RIMS2: variants seen among roughly 807,000 people sequenced by gnomAD.
The protein encoded by RIMS2 is regulating synaptic membrane exocytosis protein 2.
RIMS2 carries 59 observed loss-of-function variants against 174.4 expected under a neutral mutation model. The observed-to-expected ratio is 0.34, with a 90% CI of 0.27 to 0.42. The LOEUF (loss-of-function observed/expected upper bound fraction) is 0.42. Among genes scored for constraint, RIMS2 ranks in the 10% least tolerant of loss-of-function variants. RIMS2 has a pLI of 1.00. For missense variants in RIMS2, 1,620 were observed against 1,666.3 expected (o/e 0.97, Z 0.48); for synonymous variants, 606 against 572.5 (o/e 1.06, Z -0.84).
At chr8:104,141,134 T>C (rs1021642614) in intron 19 of RIMS2, among the ~76,000 whole-genome samples, 2 of 152,034 alleles carry the variant, frequency 1.3e-5, no homozygotes, top group African/African-American at 4.8e-5. Flanking sequence ...AAAAAAAAGA[T>C]ACTGAAAAAT....
At chr8:103,504,142 A>C (rs1433950183) in intron 1 of RIMS2, among the ~76,000 whole-genome samples, 2 of 152,102 alleles carry the variant, frequency 1.3e-5, no homozygotes, top group Non-Finnish European at 2.9e-5. Flanking sequence ...TTTATCAGTA[A>C]AATTTATAAT....
intron 2 of RIMS2, among the ~76,000 whole-genome samples, chr8:103,698,163 T>G (rs1004547181): frequency 1.3e-5 from 2 of 152,206 alleles, no homozygotes; most frequent in Admixed American, 6.5e-5. Flanking sequence ...TTAATCCCCA[T>G]TTTTCATTAT....
chr8:103,777,021 C>T (rs1233875916), intron 3 of RIMS2, among the ~76,000 whole-genome samples: 1 of 152,058 alleles, frequency 6.6e-6, no homozygotes, highest in Non-Finnish European at 1.5e-5. Context: ...CTTTTCAACA[C>T]TAAGACATTT....
At chr8:104,133,865 A>T (rs1023586546) in intron 19 of RIMS2, among the ~76,000 whole-genome samples, 2 of 152,270 alleles carry the variant, frequency 1.3e-5, no homozygotes, top group Admixed American at 6.5e-5. Flanking sequence ...TGAAATAAGG[A>T]ACACTGAAGA....
intron 1 of RIMS2, among the ~76,000 whole-genome samples, chr8:103,589,249 C>A (rs1002380278): frequency 1.3e-5 from 2 of 151,518 alleles, no homozygotes; most frequent in Non-Finnish European, 3.0e-5. Context: ...ATCTAATAAT[C>A]CATTTAAAAA....
At chr8:104,246,680 C>T (rs767715369) in intron 20 of RIMS2, among the ~76,000 whole-genome samples, 2 of 151,976 alleles carry the variant, frequency 1.3e-5, no homozygotes, top group African/African-American at 2.4e-5. Flanking sequence ...AGGAAATATT[C>T]GAGTGAAGAT....
intron 1 of RIMS2, among the ~76,000 whole-genome samples, chr8:103,642,049 G>A (rs999900690): frequency 2.6e-5 from 4 of 152,058 alleles, no homozygotes; most frequent in Non-Finnish European, 4.4e-5. Context: ...CACGTTTAAG[G>A]TGACTATTTT....
intron 19 of RIMS2, among the ~76,000 whole-genome samples, chr8:104,131,141 G>A (rs986265449): frequency 1.3e-5 from 2 of 152,150 alleles, no homozygotes; most frequent in Admixed American, 6.5e-5. Flanking sequence ...TAGTATAATA[G>A]TGCCTACTTC....
chr8:104,222,496 G>A (rs1248959266), intron 19 of RIMS2, among the ~76,000 whole-genome samples: 1 of 152,156 alleles, frequency 6.6e-6, no homozygotes, highest in African/African-American at 2.4e-5. Context: ...GGTTAGGACT[G>A]AATAGTACCC....
chr8:104,042,889 T>C (rs772237070), intron 19 of RIMS2, among the ~76,000 whole-genome samples: 18 of 151,148 alleles, frequency 1.2e-4, no homozygotes, highest in Non-Finnish European at 2.1e-4. Context: ...ATATGAAGAG[T>C]AATAAGAGAG....
intron 1 of RIMS2, among the ~76,000 whole-genome samples, chr8:103,628,404 G>T (rs2095837645): frequency 6.7e-6 from 1 of 150,212 alleles, no homozygotes; most frequent in Non-Finnish European, 1.5e-5. Flanking sequence ...CCCAGGCCTG[G>T]AGTACAATGG....
chr8:103,644,236 C>T (rs2096282953), intron 1 of RIMS2, among the ~76,000 whole-genome samples: 1 of 152,138 alleles, frequency 6.6e-6, no homozygotes, highest in South Asian at 2.1e-4. Context: ...GTTCCACCTG[C>T]AGACCTCTGC....
exon 2 of RIMS2, chr8:103,697,154 A>C (rs777371955): frequency 3.7e-6 from 6 of 1,613,810 alleles, no homozygotes; most frequent in Non-Finnish European, 5.1e-6. Flanking sequence ...TCACAGCAAC[A>C]GCAAGAACAG....
At chr8:104,043,230 AGGCTTCTTGAT>A (rs2096638849) in intron 19 of RIMS2, among the ~76,000 whole-genome samples, 1 of 151,626 alleles carries the variant, frequency 6.6e-6, no homozygotes, top group Admixed American at 6.6e-5. Flanking sequence ...AATATAAACT[AGGCTTCTTGAT>A]GGCTTGGGGA....
chr8:104,073,500 C>T (rs757632297), intron 19 of RIMS2, among the ~76,000 whole-genome samples: 3 of 152,098 alleles, frequency 2.0e-5, no homozygotes, highest in Non-Finnish European at 4.4e-5. Flanking sequence ...AATACTTCTA[C>T]AAAATTATCA....
chr8:104,157,491 A>G (rs1224249045), intron 19 of RIMS2, among the ~76,000 whole-genome samples: 1 of 152,198 alleles, frequency 6.6e-6, no homozygotes, highest in Non-Finnish European at 1.5e-5. Context: ...ACCACAATCC[A>G]TCTCCACAAC....
At chr8:103,652,663 CG>C in intron 1 of RIMS2, 2 of 1,350,794 alleles carry the variant, frequency 1.5e-6, no homozygotes, top group Non-Finnish European at 2.0e-6. Flanking sequence ...TGGTAAATAA[CG>C]TTCTTCAGCC....
chr8:103,723,256 A>T (rs1591111179), intron 2 of RIMS2, among the ~76,000 whole-genome samples: 1 of 152,182 alleles, frequency 6.6e-6, no homozygotes, highest in Non-Finnish European at 1.5e-5. Flanking sequence ...TCTTTTGATG[A>T]TGTCATGTTT....
At chr8:103,737,264 TC>T (rs2139172702) in intron 2 of RIMS2, among the ~76,000 whole-genome samples, 1 of 133,484 alleles carries the variant, frequency 7.5e-6, no homozygotes, top group South Asian at 2.7e-4. Context: ...GCTCACTGCA[TC>T]CTCCGCCTCC....
Sources: gnomAD v4.1 joint callset for allele counts (sites outside exome capture counted in the v4.1 genomes callset) on GRCh38, gnomAD v4.1.1 for gene constraint, MANE v1.5 for transcripts, NCBI Gene and HGNC (gene_info 2026-07-23, HGNC 2026-07-21) for gene names.